The following MYO1H variants were observed in gnomAD, a reference collection of about 807,000 sequenced individuals.
The protein encoded by MYO1H is myosin IH, also known as unconventional myosin-Ih.
A neutral mutation model predicts 149.3 loss-of-function variants in MYO1H; 118 were observed. The observed-to-expected ratio is 0.79, with a 90% CI of 0.68 to 0.92. MYO1H has a LOEUF of 0.92. Ranked by LOEUF, MYO1H falls within the 40% of genes least tolerant of loss-of-function variation. The pLI, the probability that MYO1H is intolerant of heterozygous loss-of-function variation, is 0.00. For synonymous variants in MYO1H, 447 were observed against 465.2 expected, an observed-to-expected ratio of 0.96 and a Z score of 0.50; for missense variants, 1,212 against 1,280.7, an observed-to-expected ratio of 0.95 and a Z score of 0.82.
rs1321399902 is a variant in MYO1H, at chr12:109,373,249, T to C, written c.13-15434T>C. 3.9e-5 allele frequency among the ~76,000 whole-genome samples: 6 copies of C among 152,276 alleles called. No individual in the cohort carries two copies. The East Asian group carries it at 9.6e-4, about 24-fold the overall frequency. ...TGGCCAGTACTTCGAATTAGGACGATAAAGAAAACTTACGTCTTTTTCTTG... is the reference window on the plus strand; with the variant it reads ...TGGCCAGTACTTCGAATTAGGACGACAAAGAAAACTTACGTCTTTTTCTTG... On this transcript the variant is annotated intron_variant, in intron 1 of 31. Coordinates refer to ENST00000310903, the Ensembl canonical transcript of MYO1H.
chr12:109,359,841 A>T (rs182610858), intron 1 of MYO1H, among the ~76,000 whole-genome samples: 1 of 152,206 alleles, frequency 6.6e-6, no homozygotes, highest in East Asian at 1.9e-4. Context: ...TGGCAAACTA[A>T]TGTTTTTCAA....
intron 27 of MYO1H, among the ~76,000 whole-genome samples, chr12:109,443,225 T>C (rs1238985701): frequency 7.4e-6 from 1 of 135,740 alleles, no homozygotes; most frequent in Admixed American, 7.3e-5. Context: ...TATATGTGTG[T>C]GTATATGTGT....
chr12:109,319,631 A>G, the MYO1H span, among the ~76,000 whole-genome samples: 498 of 152,336 alleles, frequency 3.3e-3, 2 homozygotes, highest in African/African-American at 0.011. Context: ...CAATTATACA[A>G]GTTAGGAAAA....
the MYO1H span, among the ~76,000 whole-genome samples, chr12:109,316,095 G>C: frequency 1.4e-3 from 197 of 139,600 alleles, no homozygotes; most frequent in African/African-American, 4.8e-3. Context: ...ACAAAAATAA[G>C]AGTGTTACAT....
chr12:109,430,347 A>G (rs1376028956), intron 19 of MYO1H, among the ~76,000 whole-genome samples: 4 of 152,216 alleles, frequency 2.6e-5, no homozygotes, highest in Non-Finnish European at 4.4e-5. Flanking sequence ...AGTTGAAGAC[A>G]TAAGGTACTA....
the MYO1H span, among the ~76,000 whole-genome samples, chr12:109,318,662 C>A: frequency 6.6e-6 from 1 of 152,164 alleles, no homozygotes; most frequent in East Asian, 1.9e-4. Flanking sequence ...CTACAATAGA[C>A]TGGACCAACA....
In MYO1H at chr12:109,415,769, T is replaced by C. The variant is rs1870876807; in HGVS notation, c.1597+149T>C. ...AAGCCATTTGAAAAAGTCTTTCTAA[T>C]TGTATTTATTATTTTTGTAAATAAC... On this transcript the variant is annotated intron_variant, in intron 15 of 31. Coordinates refer to ENST00000310903, the Ensembl canonical transcript of MYO1H. The C allele has an allele frequency of 2.7e-5, 13 of 481,496 alleles. No individual in the cohort carries two copies. The East Asian group carries it at 3.8e-4, about 14-fold the overall frequency. The allele number at this position is 481,496 out of a possible 1,614,324, so 29.8% of individuals were successfully genotyped here.
At chr12:109,332,631 G>C in the MYO1H span, among the ~76,000 whole-genome samples, 1 of 152,202 alleles carries the variant, frequency 6.6e-6, no homozygotes, top group Non-Finnish European at 1.5e-5. Flanking sequence ...ACGCTGGAGT[G>C]CAGTGGTGCA....
the MYO1H span, among the ~76,000 whole-genome samples, chr12:109,323,727 A>G: frequency 2.0e-5 from 3 of 152,208 alleles, no homozygotes; most frequent in African/African-American, 7.2e-5. Flanking sequence ...AGGGTATGGA[A>G]AGCAGTAACG....
chr12:109,439,769 GCCT>G (rs749027448), exon 24 of MYO1H: 1 of 1,613,872 alleles, frequency 6.2e-7, no homozygotes, highest in Non-Finnish European at 8.5e-7. Context: ...GCTGGCTGAG[GCCT>G]CCTGGCATCT....
At chr12:109,445,377 G>C in intron 30 of MYO1H, 136 bp from the exon 31 acceptor site, 1 of 668,704 alleles carries the variant, frequency 1.5e-6, no homozygotes, top group Non-Finnish European at 2.5e-6. Flanking sequence ...CCTCAAATAT[G>C]CAATAAAACA....
chr12:109,368,018 C>T (rs531681259), intron 1 of MYO1H, among the ~76,000 whole-genome samples: 64 of 152,274 alleles, frequency 4.2e-4, no homozygotes, highest in African/African-American at 1.4e-3. Context: ...CCACTCATGG[C>T]CAGCAGCAAT....
At chr12:109,321,469 C>T in the MYO1H span, among the ~76,000 whole-genome samples, 1 of 152,026 alleles carries the variant, frequency 6.6e-6, no homozygotes, top group African/African-American at 2.4e-5. Context: ...AGGAGAATCG[C>T]TTAAACCCAG....
intron 1 of MYO1H, among the ~76,000 whole-genome samples, chr12:109,378,603 G>C (rs890554924): frequency 6.6e-6 from 1 of 152,138 alleles, no homozygotes; most frequent in African/African-American, 2.4e-5. Flanking sequence ...GCAGGCATGC[G>C]CCACTGTGCC....
intron 20 of MYO1H, among the ~76,000 whole-genome samples, chr12:109,433,844 C>T (rs1357832746): frequency 6.6e-6 from 1 of 152,142 alleles, no homozygotes; most frequent in Non-Finnish European, 1.5e-5. Flanking sequence ...ATCCGTCTGT[C>T]CCCTGTTCCA....
At chr12:109,400,931 C>T (rs1283001275) in intron 5 of MYO1H, among the ~76,000 whole-genome samples, 162 bp from the exon 6 acceptor site, 3 of 151,862 alleles carry the variant, frequency 2.0e-5, no homozygotes. Context: ...GTAAACAGAA[C>T]CCAGGAAATA....
At chr12:109,336,595 A>G in the MYO1H span, among the ~76,000 whole-genome samples, 1 of 152,218 alleles carries the variant, frequency 6.6e-6, no homozygotes, top group Non-Finnish European at 1.5e-5. Flanking sequence ...ACAGTTTAGC[A>G]ATTTCAGTAG....
rs764985746 is a variant in MYO1H at position 109,409,625 on chromosome 12, G to T, written c.1223+1G>T. The T allele has an allele frequency of 1.2e-6, 2 of 1,608,528 alleles. No homozygotes were observed. The highest frequency in any genetic ancestry group is 1.7e-5 in the Admixed American group (1 of 59,944). ...GGTTTGAAGTCTTTGACAAGAATGGGTATGTTTTGTCATTACCTACCTATC... is the reference window on the plus strand; with the variant it reads ...GGTTTGAAGTCTTTGACAAGAATGGTTATGTTTTGTCATTACCTACCTATC... On this transcript the variant is annotated splice_donor_variant, in intron 11 of 31. Coordinates refer to ENST00000310903, the Ensembl canonical transcript of MYO1H. LOFTEE classifies it high-confidence loss of function.
chr12:109,413,859 G>A (rs1431251637), intron 14 of MYO1H, among the ~76,000 whole-genome samples: 14 of 152,068 alleles, frequency 9.2e-5, no homozygotes, highest in Admixed American at 5.9e-4. Context: ...GCAGTGAGCC[G>A]AGATTGCGCC....
Sources: allele counts gnomAD v4.1 joint callset (sites outside exome capture counted in the v4.1 genomes callset), GRCh38; gene constraint gnomAD v4.1.1; transcripts MANE v1.5; gene names NCBI Gene and HGNC (gene_info 2026-07-23, HGNC 2026-07-21).